Variants in GNAO1 observed in about 807,000 individuals in gnomAD.
GNAO1 encodes the protein guanine nucleotide-binding protein G(o) subunit alpha.
For synonymous variants in GNAO1, 164 were observed against 180.7 expected (o/e 0.91, Z 0.74); for missense variants, 166 against 478.7 (o/e 0.35, Z 6.10).
chr16:56,344,979 C>T, intron 6 of GNAO1: 5 of 982,326 alleles, frequency 5.1e-6, no homozygotes, highest in Non-Finnish European at 4.8e-6. Context: ...TCTTCCCAGC[C>T]CCTGGGGACA....
intron 2 of GNAO1, among the ~76,000 whole-genome samples, chr16:56,233,602 C>A (rs944758913): frequency 1.3e-5 from 2 of 152,214 alleles, no homozygotes; most frequent in Non-Finnish European, 2.9e-5. Context: ...GCAGTGTCAT[C>A]TGAATGTTTC....
chr16:56,271,493 G>T (rs750197352), intron 2 of GNAO1, among the ~76,000 whole-genome samples: 4 of 152,110 alleles, frequency 2.6e-5, no homozygotes, highest in Non-Finnish European at 4.4e-5. Context: ...TCGCTCTGTC[G>T]CCCAGGCTGG....
chr16:56,321,809 C>A (rs943186361), intron 3 of GNAO1, among the ~76,000 whole-genome samples: 2 of 152,190 alleles, frequency 1.3e-5, no homozygotes, highest in Non-Finnish European at 2.9e-5. Flanking sequence ...ACTGCCTGGG[C>A]GGGAGCACGC....
chr16:56,347,756 T>TGCCGGG, intron 6 of GNAO1: 2 of 918,312 alleles, frequency 2.2e-6, no homozygotes, highest in Non-Finnish European at 2.6e-6. Context: ...GTCCTCCCCT[T>TGCCGGG]CCCTCCCCAC....
chr16:56,292,456 G>A (rs1002952419), intron 3 of GNAO1, among the ~76,000 whole-genome samples: 9 of 152,106 alleles, frequency 5.9e-5, no homozygotes, highest in Non-Finnish European at 1.3e-4. Context: ...CTGCCTCCCA[G>A]GCTCAAACCA....
intron 2 of GNAO1, among the ~76,000 whole-genome samples, chr16:56,250,806 C>A (rs1480473289): frequency 3.3e-5 from 5 of 152,192 alleles, no homozygotes; most frequent in Non-Finnish European, 5.9e-5. Flanking sequence ...TGTTTCTTTA[C>A]TGGATATCCC....
intron 2 of GNAO1, among the ~76,000 whole-genome samples, chr16:56,223,981 T>C (rs2036512913): frequency 6.6e-6 from 1 of 152,096 alleles, no homozygotes; most frequent in South Asian, 2.1e-4. Context: ...AGGTCAGAGA[T>C]GAAGGGACTC....
chr16:56,330,944 G>A (rs571996207), intron 4 of GNAO1, among the ~76,000 whole-genome samples: 7 of 152,318 alleles, frequency 4.6e-5, no homozygotes, highest in Middle Eastern at 3.4e-3. Context: ...GAGAGGGCAG[G>A]AAAGACAGGG....
intron 2 of GNAO1, among the ~76,000 whole-genome samples, chr16:56,261,294 C>T (rs1404325302): frequency 6.6e-6 from 1 of 152,186 alleles, no homozygotes; most frequent in African/African-American, 2.4e-5. Flanking sequence ...CGTCTTTTGT[C>T]TGTTTCAGAA....
chr16:56,350,633 G>A (rs1160307243), intron 6 of GNAO1, among the ~76,000 whole-genome samples: 1 of 152,160 alleles, frequency 6.6e-6, no homozygotes, highest in Admixed American at 6.5e-5. Context: ...ATGCAGCTGA[G>A]TAGGACCCAG....
At chr16:56,296,360 CTGGAATTGAGCTCAGCT>C in intron 3 of GNAO1, among the ~76,000 whole-genome samples, 1 of 152,120 alleles carries the variant, frequency 6.6e-6, no homozygotes, top group Non-Finnish European at 1.5e-5. Context: ...GAGCGACGGG[CTGGAATTGAGCTCAGCT>C]AAACAAAGTC....
chr16:56,261,628 C>T (rs915181604), intron 2 of GNAO1, among the ~76,000 whole-genome samples: 46 of 152,062 alleles, frequency 3.0e-4, no homozygotes, highest in Admixed American at 8.5e-4. Flanking sequence ...TAGGTGGAGT[C>T]GGGGGAGGAG....
chr16:56,192,252 G>A lies in GNAO1; in HGVS notation c.17G>A (p.Ser6Asn). MGCTL[S>N]AEERAALERS... ...GGGGCCACCATGGGATGTACTCTGA[G>A]CGCAGAGGAGAGAGCCGCCCTCGAG... Residue 6 changes from serine (S) to asparagine (N), a missense_variant, in exon 1 of 9, where the codon AGC becomes AAC. Ser to Asn is a conservative substitution (Grantham distance 46). Coordinates refer to ENST00000262493, the MANE Select transcript of GNAO1 (RefSeq NM_020988.3). The A allele has an allele frequency of 6.3e-7, 1 of 1,597,104 alleles. No individual in the cohort carries two copies. The highest frequency in any genetic ancestry group is 1.1e-5 in the South Asian group (1 of 89,400).
intron 2 of GNAO1, among the ~76,000 whole-genome samples, chr16:56,260,493 G>A (rs2036893029): frequency 6.6e-6 from 1 of 152,162 alleles, no homozygotes. Context: ...TGAAGGCTGA[G>A]CATACCTGCC....
chr16:56,347,196 C>T, intron 6 of GNAO1: 1 of 985,442 alleles, frequency 1.0e-6, no homozygotes, highest in Non-Finnish European at 1.2e-6. Flanking sequence ...AGAGCCTCCT[C>T]TGGCTGCCTC....
intron 3 of GNAO1, chr16:56,308,435 A>T (rs893286064): frequency 6.6e-6 from 1 of 152,212 alleles, no homozygotes; most frequent in Non-Finnish European, 1.5e-5. Flanking sequence ...AAGCTGGAGA[A>T]TGAGGCAGGA....
At chr16:56,228,380 CGTGA>C (rs1203369077) in intron 2 of GNAO1, among the ~76,000 whole-genome samples, 7 of 148,336 alleles carry the variant, frequency 4.7e-5, no homozygotes, top group Non-Finnish European at 1.0e-4. Flanking sequence ...TGTGTATATA[CGTGA>C]GTGTGTGTGT....
At chr16:56,220,714 C>T (rs1361306095) in intron 2 of GNAO1, among the ~76,000 whole-genome samples, 2 of 152,060 alleles carry the variant, frequency 1.3e-5, no homozygotes, top group African/African-American at 4.8e-5. Context: ...GTTCCACCCT[C>T]GTGGATGGGA....
chr16:56,260,831 C>T (rs532315197), intron 2 of GNAO1, among the ~76,000 whole-genome samples: 2 of 152,260 alleles, frequency 1.3e-5, no homozygotes, highest in Admixed American at 1.3e-4. Flanking sequence ...AGAGTGGCAT[C>T]CTTTCTGGGC....
Sources: allele counts gnomAD v4.1 joint callset (sites outside exome capture counted in the v4.1 genomes callset), GRCh38; gene constraint gnomAD v4.1.1; transcripts MANE v1.5; gene names NCBI Gene and HGNC (gene_info 2026-07-23, HGNC 2026-07-21).